The following KITLG variants were observed in gnomAD, a reference collection of about 807,000 sequenced individuals.
KITLG encodes KIT ligand.
KITLG carries 13 observed loss-of-function variants against 34.1 expected under a neutral mutation model. The ratio of observed to expected loss-of-function variants is 0.38; its 90% CI spans 0.25 to 0.61. The LOEUF (loss-of-function observed/expected upper bound fraction) is 0.61, where lower values mean the gene tolerates loss of function less well. Ranked by LOEUF, KITLG falls within the 20% of genes least tolerant of loss-of-function variation. KITLG has a pLI of 0.60. For synonymous variants in KITLG, 110 were observed against 104.0 expected, an observed-to-expected ratio of 1.06 and a Z score of -0.35; for missense variants, 292 against 318.9, an observed-to-expected ratio of 0.92 and a Z score of 0.64.
chr12:88,543,644 C>T (rs1159481946), intron 2 of KITLG, among the ~76,000 whole-genome samples: 1 of 152,112 alleles, frequency 6.6e-6, no homozygotes, highest in Non-Finnish European at 1.5e-5. Flanking sequence ...TTCACTCACC[C>T]AGCAAACATT....
chr12:88,535,824 G>A (rs1870296357), intron 2 of KITLG, among the ~76,000 whole-genome samples: 1 of 152,088 alleles, frequency 6.6e-6, no homozygotes, highest in South Asian at 2.1e-4. Flanking sequence ...TCAATAAATG[G>A]TGCTGGGATA....
At chr12:88,547,241 A>G (rs1205016679) in intron 1 of KITLG, among the ~76,000 whole-genome samples, 2 of 152,260 alleles carry the variant, frequency 1.3e-5, no homozygotes, top group Admixed American at 1.3e-4. Flanking sequence ...TAATATCTGC[A>G]TGCTAACTAG....
intron 6 of KITLG, among the ~76,000 whole-genome samples, chr12:88,510,468 C>T (rs979243198): frequency 3.3e-5 from 5 of 152,094 alleles, no homozygotes; most frequent in East Asian, 1.9e-4. Flanking sequence ...TCCATTTGAC[C>T]GAAGAGTCAA....
chr12:88,545,827 T>A lies in KITLG; in HGVS notation c.54A>T (p.Leu18=). The change falls in exon 2 of 10, where the codon CTA becomes CTT. Residue 18 remains leucine (L), a synonymous_variant. Coordinates refer to ENST00000644744, the MANE Select transcript of KITLG (RefSeq NM_000899.5). ...ILTCIYLQLL[L]FNPLVKTEGI... ...CTTCAGTTTTGACGAGAGGATTAAA[T>A]AGGAGCAGCTGAAGATAAATGCAAG... The A allele has an allele frequency of 6.2e-7, 1 of 1,612,682 alleles. No homozygotes were observed. The highest frequency in any genetic ancestry group is 1.1e-5 in the South Asian group (1 of 91,038).
intron 3 of KITLG, among the ~76,000 whole-genome samples, chr12:88,528,691 A>G (rs993875457): frequency 6.6e-6 from 1 of 152,244 alleles, no homozygotes; most frequent in Non-Finnish European, 1.5e-5. Flanking sequence ...AACTTATTCA[A>G]GAAGTTCAGA....
At chr12:88,547,160 C>T (rs546633831) in intron 1 of KITLG, among the ~76,000 whole-genome samples, 1 of 152,138 alleles carries the variant, frequency 6.6e-6, no homozygotes, top group Non-Finnish European at 1.5e-5. Flanking sequence ...AGTCCAGATG[C>T]ACATGGCTAG....
chr12:88,500,459 A>G (rs893013066), intron 9 of KITLG, among the ~76,000 whole-genome samples: 17 of 152,214 alleles, frequency 1.1e-4, no homozygotes, highest in Non-Finnish European at 2.2e-4. Context: ...TTCCTTTTGT[A>G]GGCTATAAAC....
At chr12:88,548,697 C>T (rs773258444) in intron 1 of KITLG, among the ~76,000 whole-genome samples, 1 of 152,146 alleles carries the variant, frequency 6.6e-6, no homozygotes, top group African/African-American at 2.4e-5. Context: ...CCAGTCTCAA[C>T]AATAAAATAT....
At chr12:88,509,807 T>A (rs754917724) in intron 6 of KITLG, among the ~76,000 whole-genome samples, 1 of 152,210 alleles carries the variant, frequency 6.6e-6, no homozygotes, top group African/African-American at 2.4e-5. Flanking sequence ...AAAAGAACTT[T>A]ATCAGAAGAG....
At chr12:88,535,173 A>G (rs1870261868) in intron 2 of KITLG, among the ~76,000 whole-genome samples, 1 of 152,180 alleles carries the variant, frequency 6.6e-6, no homozygotes, top group Non-Finnish European at 1.5e-5. Flanking sequence ...ATTCCATTTC[A>G]TGAATAATTT....
intron 2 of KITLG, among the ~76,000 whole-genome samples, chr12:88,544,435 G>A (rs1870634610): frequency 6.6e-6 from 1 of 151,210 alleles, no homozygotes; most frequent in African/African-American, 2.4e-5. Context: ...TGTCCTTTTA[G>A]TATTGTTTCT....
intron 2 of KITLG, among the ~76,000 whole-genome samples, chr12:88,533,770 C>T (rs1798014): frequency 0.023 from 3,567 of 152,054 alleles, 77 homozygotes; most frequent in South Asian, 0.052. Flanking sequence ...ACAAGTTTAC[C>T]ATAACATTTT....
chr12:88,556,534 G>C (rs1367710034), intron 1 of KITLG, among the ~76,000 whole-genome samples: 1 of 152,164 alleles, frequency 6.6e-6, no homozygotes, highest in Non-Finnish European at 1.5e-5. Flanking sequence ...GGATATGGAA[G>C]TAGAACGGAA....
At chr12:88,544,255 C>T (rs1173122726) in intron 2 of KITLG, among the ~76,000 whole-genome samples, 10 of 152,114 alleles carry the variant, frequency 6.6e-5, no homozygotes, top group Admixed American at 6.6e-4. Flanking sequence ...GCTTAGGCTG[C>T]ATTATTACAA....
intron 9 of KITLG, 30 bp downstream of exon 9, chr12:88,505,129 A>G (rs761233147): frequency 2.7e-5 from 32 of 1,164,266 alleles, no homozygotes; most frequent in Non-Finnish European, 3.9e-5. Context: ...TAAAAAAAAG[A>G]AAAAAAAAGG....
intron 1 of KITLG, among the ~76,000 whole-genome samples, chr12:88,577,947 A>G (rs900798577): frequency 6.6e-6 from 1 of 152,196 alleles, no homozygotes; most frequent in African/African-American, 2.4e-5. Flanking sequence ...TTGCTTTATA[A>G]TAGAACCATG....
In KITLG at chr12:88,495,105, GA is replaced by G. The variant is rs1868578150; in HGVS notation, c.*2113del. On this transcript the variant is annotated 3_prime_UTR_variant, in exon 10 of 10. Transcript: ENST00000644744. ...ACCATGTCAGATTTAATAACTTGCT[GA>G]ATTTGTTTATTTAACTCCATTGATT... The G allele has an allele frequency of 6.6e-6, 1 of 151,952 alleles. No homozygotes were observed. The highest frequency in any genetic ancestry group is 2.4e-5 in the African/African-American group (1 of 41,412). The allele number at this position is 151,952 out of a possible 1,614,324, so 9.4% of individuals were successfully genotyped here. A position where few individuals can be genotyped will look rare whatever the true frequency, so the allele number is the denominator to read the frequency against.
intron 9 of KITLG, among the ~76,000 whole-genome samples, chr12:88,502,299 ATTAG>A (rs1212000736): frequency 1.2e-4 from 18 of 152,188 alleles, no homozygotes; most frequent in Admixed American, 3.9e-4. Context: ...AAAATAATTT[ATTAG>A]TTAATTTCTC....
At chr12:88,509,526 A>G (rs1016933466) in intron 6 of KITLG, among the ~76,000 whole-genome samples, 3 of 152,164 alleles carry the variant, frequency 2.0e-5, no homozygotes, top group African/African-American at 4.8e-5. Flanking sequence ...TCCATCCCTA[A>G]GACTGTGAGC....
Sources: allele counts gnomAD v4.1 joint callset (sites outside exome capture counted in the v4.1 genomes callset), GRCh38; gene constraint gnomAD v4.1.1; transcripts MANE v1.5; gene names NCBI Gene and HGNC (gene_info 2026-07-23, HGNC 2026-07-21).